Variants in BACE2 observed in about 807,000 individuals in gnomAD.
The protein encoded by BACE2 is 56 kDa aspartic-like protease.
BACE2 carries 17 observed loss-of-function variants against 46.2 expected under a neutral mutation model. The observed-to-expected ratio is 0.37, with a 90% CI of 0.25 to 0.55. BACE2 has a LOEUF of 0.55. Ranked by LOEUF, BACE2 falls within the 20% of genes least tolerant of loss-of-function variation. BACE2 has a pLI of 0.82. For missense variants in BACE2, 595 were observed against 698.1 expected (o/e 0.85, Z 1.66); for synonymous variants, 277 against 295.9 (o/e 0.94, Z 0.66).
rs762166465 is a variant in BACE2 at position 41,226,336 on chromosome 21, C to T, written c.383C>T (p.Thr128Met). ...VAGTPHSYID[T>M]YFDTERSSTY... is the part of the protein sequence containing the mutation. ...GGAACCCCGCACTCCTACATAGACA[C>T]GTACTTTGACACAGAGAGGTAAGCG... is the stretch of plus-strand genomic sequence containing the variant. The change falls in exon 2 of 9, where the codon ACG becomes ATG. Residue 128 changes from threonine (T) to methionine (M), a missense_variant. By Grantham distance (81) the Thr-to-Met change is moderately conservative. Coordinates refer to ENST00000330333, the MANE Select transcript of BACE2 (RefSeq NM_012105.5). The T allele has an allele frequency of 1.7e-5, 28 of 1,613,880 alleles. No individual in the cohort carries two copies. The Admixed American group carries it at 2.5e-4, about 14-fold the overall frequency.
At chr21:41,227,162 C>T (rs1431953417) in intron 2 of BACE2, among the ~76,000 whole-genome samples, 3 of 152,242 alleles carry the variant, frequency 2.0e-5, no homozygotes, top group Non-Finnish European at 4.4e-5. Flanking sequence ...ACTATTTTTA[C>T]GATTCTGAAA....
At chr21:41,168,611 G>A in intron 1 of BACE2, 36 bp downstream of exon 1, 1 of 1,287,656 alleles carries the variant, frequency 7.8e-7, no homozygotes, top group South Asian at 3.4e-5. Flanking sequence ...GGCTTTTCGG[G>A]CTCGTTGGAG....
chr21:41,179,610 G>C (rs1442834621), intron 1 of BACE2: 1 of 1,367,108 alleles, frequency 7.3e-7, no homozygotes, highest in Admixed American at 1.9e-5. Context: ...CAGTGCTTCA[G>C]GCGCAGCAAC....
At chr21:41,219,578 A>G (rs965682819) in intron 1 of BACE2, among the ~76,000 whole-genome samples, 1 of 152,224 alleles carries the variant, frequency 6.6e-6, no homozygotes, top group African/African-American at 2.4e-5. Flanking sequence ...ATTTAAGAGC[A>G]GAAAAAGAGA....
At chr21:41,265,111 G>A (rs922652189) in intron 8 of BACE2, among the ~76,000 whole-genome samples, 5 of 147,404 alleles carry the variant, frequency 3.4e-5, no homozygotes, top group African/African-American at 7.4e-5. Flanking sequence ...TATTTAGAAG[G>A]TACGATATAG....
At chr21:41,269,157 T>A (rs1189671904) in intron 8 of BACE2, among the ~76,000 whole-genome samples, 1 of 152,086 alleles carries the variant, frequency 6.6e-6, no homozygotes, top group Non-Finnish European at 1.5e-5. Flanking sequence ...TTTCTCCATG[T>A]TGGTCAAGCT....
intron 5 of BACE2, 59 bp from the exon 6 acceptor site, chr21:41,245,903 C>T (rs1335239469): frequency 2.9e-6 from 4 of 1,374,300 alleles, no homozygotes; most frequent in Middle Eastern, 2.0e-4. Context: ...GCTAGAGCCA[C>T]GTGGGGCGGG....
intron 1 of BACE2, among the ~76,000 whole-genome samples, chr21:41,225,282 T>C (rs370485971): frequency 1.3e-4 from 20 of 151,966 alleles, no homozygotes; most frequent in African/African-American, 4.8e-4. Context: ...GTTTCACTCC[T>C]AGGTATTTAC....
chr21:41,243,366 C>A lies in BACE2; in HGVS notation c.748-10C>A. ...TTTTCTCTTATACCTGTAAATATTT[C>A]CTGTCCCAGGTCTTGGGTGGAATTG... is the stretch of plus-strand genomic sequence containing the variant. On this transcript the variant is annotated splice_polypyrimidine_tract_variant and intron_variant, in intron 4 of 8. Coordinates refer to ENST00000330333, the MANE Select transcript of BACE2 (RefSeq NM_012105.5). The A allele has an allele frequency of 6.3e-7, 1 of 1,581,914 alleles. No homozygotes were observed. The highest frequency in any genetic ancestry group is 8.6e-7 in the Non-Finnish European group (1 of 1,164,848).
intron 7 of BACE2, among the ~76,000 whole-genome samples, chr21:41,251,583 C>T (rs1987640497): frequency 6.6e-6 from 1 of 152,160 alleles, no homozygotes. Flanking sequence ...GGCAAATCAC[C>T]TGAGGTCAGG....
intron 8 of BACE2, among the ~76,000 whole-genome samples, chr21:41,259,441 CTT>C (rs5844072): frequency 2.8e-4 from 41 of 147,348 alleles, no homozygotes; most frequent in South Asian, 6.4e-4. Flanking sequence ...TGCTGCCTTT[CTT>C]TTTTTTTTTT....
rs573095738 is a variant in BACE2 at position 41,281,174 on chromosome 21, T to G, written c.*5550T>G. On this transcript the variant is annotated 3_prime_UTR_variant, in exon 9 of 9. Transcript: ENST00000330333. ...GTTCCCTTTACAGATGGATAATTGT[T>G]TGTGTAAGACCAACCAGATAAAGTC... 1 of 152,346 alleles carries G rather than the reference T, an allele frequency of 6.6e-6. No homozygotes were observed. Among genetic ancestry groups the G allele is most frequent in the South Asian group, 2.1e-4 (1 of 4,824 alleles). 9.4% of individuals were successfully genotyped at this position (152,346 alleles called of 1,614,324 possible).
intron 7 of BACE2, chr21:41,252,622 G>A (rs1987673078): frequency 6.6e-6 from 1 of 152,186 alleles, no homozygotes; most frequent in Non-Finnish European, 1.5e-5. Flanking sequence ...TGAGAGCTGT[G>A]GGGGTAAAAG....
chr21:41,214,202 G>A (rs1465412027), intron 1 of BACE2, among the ~76,000 whole-genome samples: 1 of 152,204 alleles, frequency 6.6e-6, no homozygotes, highest in African/African-American at 2.4e-5. Context: ...CCAGGCACTG[G>A]TACATGAATG....
intron 8 of BACE2, among the ~76,000 whole-genome samples, chr21:41,258,274 T>C (rs1987843901): frequency 6.6e-6 from 1 of 151,998 alleles, no homozygotes; most frequent in African/African-American, 2.4e-5. Flanking sequence ...TGAGGTAGAA[T>C]AGAACAAAAT....
chr21:41,242,198 T>C (rs1987314334), intron 4 of BACE2, among the ~76,000 whole-genome samples: 1 of 151,608 alleles, frequency 6.6e-6, no homozygotes, highest in African/African-American at 2.4e-5. Context: ...TTTACCGCCC[T>C]TGGAAGGGCA....
intron 1 of BACE2, among the ~76,000 whole-genome samples, chr21:41,170,191 T>G (rs938210640): frequency 5.0e-5 from 7 of 139,244 alleles, no homozygotes; most frequent in African/African-American, 1.9e-4. Context: ...GAAGAAGGAC[T>G]AAAAAATACT....
At chr21:41,242,792 T>C (rs1342476804) in intron 4 of BACE2, among the ~76,000 whole-genome samples, 2 of 152,244 alleles carry the variant, frequency 1.3e-5, no homozygotes, top group Non-Finnish European at 2.9e-5. Context: ...TAAACTTGTA[T>C]GTACTTTCTT....
At chr21:41,182,008 T>C (rs1177799749) in intron 1 of BACE2, 1 of 167,074 alleles carries the variant, frequency 6.0e-6, no homozygotes, top group Non-Finnish European at 1.5e-5. Context: ...GGTTGGGTCT[T>C]AGAGTAGCTT....
Sources: gnomAD v4.1 joint callset for allele counts (sites outside exome capture counted in the v4.1 genomes callset) on GRCh38, gnomAD v4.1.1 for gene constraint, MANE v1.5 for transcripts, NCBI Gene and HGNC (gene_info 2026-07-23, HGNC 2026-07-21) for gene names.